CWC27: variants seen among roughly 807,000 people sequenced by gnomAD.
CWC27 encodes spliceosome-associated protein CWC27 homolog.
A neutral mutation model predicts 63.6 loss-of-function variants in CWC27; 47 were observed. The ratio of observed to expected loss-of-function variants is 0.74; its 90% CI spans 0.58 to 0.94. CWC27 has a LOEUF of 0.94. Among genes scored for constraint, CWC27 ranks in the 40% least tolerant of loss-of-function variants. CWC27 has a pLI of 0.00. For synonymous variants in CWC27, 175 were observed against 179.8 expected (o/e 0.97, Z 0.22); for missense variants, 495 against 554.3 (o/e 0.89, Z 1.07).
intron 10 of CWC27, among the ~76,000 whole-genome samples, chr5:64,823,165 A>T (rs1745255785): frequency 6.6e-6 from 1 of 152,216 alleles, no homozygotes; most frequent in East Asian, 1.9e-4. Flanking sequence ...GATAAGGTCA[A>T]ATGAAATGTG....
chr5:64,810,272 A>G (rs1445897684), intron 10 of CWC27, among the ~76,000 whole-genome samples: 2 of 152,068 alleles, frequency 1.3e-5, no homozygotes, highest in African/African-American at 2.4e-5. Flanking sequence ...TTTTATGCAA[A>G]TACCATGCTG....
intron 11 of CWC27, among the ~76,000 whole-genome samples, chr5:64,966,488 C>A (rs917055115): frequency 7.2e-5 from 11 of 152,240 alleles, no homozygotes; most frequent in African/African-American, 2.6e-4. Flanking sequence ...TTAATCCTCA[C>A]AACAGCAAGT....
chr5:64,801,923 A>G (rs897258698), intron 9 of CWC27, among the ~76,000 whole-genome samples: 1 of 152,178 alleles, frequency 6.6e-6, no homozygotes, highest in Non-Finnish European at 1.5e-5. Flanking sequence ...TTTACTAGGA[A>G]GTACATAACT....
intron 10 of CWC27, among the ~76,000 whole-genome samples, chr5:64,849,399 T>C (rs764763582): frequency 1.3e-5 from 2 of 152,198 alleles, no homozygotes; most frequent in African/African-American, 4.8e-5. Flanking sequence ...CTAATTGATA[T>C]GGTTTGGATC....
chr5:64,772,917 A>G (rs1183820230), intron 1 of CWC27, among the ~76,000 whole-genome samples: 1 of 151,638 alleles, frequency 6.6e-6, no homozygotes, highest in African/African-American at 2.4e-5. Context: ...AGCCTGCGCA[A>G]CGGGGTGAGA....
intron 2 of CWC27, among the ~76,000 whole-genome samples, chr5:64,776,134 T>A (rs1743445017): frequency 7.0e-6 from 1 of 142,988 alleles, no homozygotes. Flanking sequence ...TGAAAGGACA[T>A]CTGCAAAGAC....
chr5:64,831,994 C>T (rs558439289), intron 10 of CWC27, among the ~76,000 whole-genome samples: 11 of 151,982 alleles, frequency 7.2e-5, no homozygotes, highest in African/African-American at 2.6e-4. Flanking sequence ...TTTAATAGCA[C>T]ATATATTTGT....
At chr5:65,011,786 C>T (rs1749966060) in intron 13 of CWC27, among the ~76,000 whole-genome samples, 1 of 152,206 alleles carries the variant, frequency 6.6e-6, no homozygotes. Flanking sequence ...GATATCCACC[C>T]TTGCAGAGGC....
chr5:64,801,950 A>G (rs991816612), intron 9 of CWC27, among the ~76,000 whole-genome samples: 1 of 152,202 alleles, frequency 6.6e-6, no homozygotes, highest in Non-Finnish European at 1.5e-5. Flanking sequence ...GCATGAACAC[A>G]GATTTATCTA....
rs554650677 is a variant in CWC27 at position 65,012,370 on chromosome 5, G to A, written c.1257-5789G>A. On this transcript the variant is annotated intron_variant, in intron 13 of 13. Coordinates refer to ENST00000381070, the MANE Select transcript of CWC27 (RefSeq NM_005869.4). ...TTTTTCCTGCCCCCCACCACATTCA[G>A]TTATTGTAAAGATGCTACCAGACAA... Among the ~76,000 whole-genome samples the A allele has an allele frequency of 7.9e-5, 12 of 152,334 alleles. No homozygotes were observed. The East Asian group carries it at 2.3e-3, about 29-fold the overall frequency.
chr5:64,956,984 CATACTT>C, intron 11 of CWC27, among the ~76,000 whole-genome samples: 1 of 152,178 alleles, frequency 6.6e-6, no homozygotes, highest in East Asian at 1.9e-4. Flanking sequence ...CAGAAGTGGT[CATACTT>C]ATATTTTAGA....
At chr5:64,804,736 A>C (rs1235625417) in intron 10 of CWC27, 1 of 165,464 alleles carries the variant, frequency 6.0e-6, no homozygotes, top group Non-Finnish European at 1.3e-5. Flanking sequence ...TAGAAAGAAA[A>C]GAGACATCCT....
intron 1 of CWC27, 34 bp downstream of exon 1, chr5:64,769,222 G>C (rs759382170): frequency 1.2e-6 from 2 of 1,606,726 alleles, no homozygotes; most frequent in South Asian, 2.2e-5. Context: ...TGGGGTCCTG[G>C]GATCCCCAAA....
intron 13 of CWC27, among the ~76,000 whole-genome samples, chr5:64,989,020 A>G (rs750039071): frequency 3.3e-5 from 5 of 151,996 alleles, no homozygotes; most frequent in South Asian, 2.1e-4. Flanking sequence ...AATACCTTCT[A>G]TTGTCGTGGG....
chr5:64,803,032 A>G (rs2112211729), intron 9 of CWC27, among the ~76,000 whole-genome samples: 1 of 152,232 alleles, frequency 6.6e-6, no homozygotes, highest in Middle Eastern at 3.4e-3. Flanking sequence ...GTCACCTTTT[A>G]GTGCTTAAGA....
At chr5:64,796,693 A>G (rs1222744996) in intron 7 of CWC27, among the ~76,000 whole-genome samples, 1 of 152,054 alleles carries the variant, frequency 6.6e-6, no homozygotes, top group African/African-American at 2.4e-5. Flanking sequence ...TTAGAGATTG[A>G]GCCCCAGACC....
chr5:64,983,594 C>G (rs1157468055), intron 13 of CWC27, among the ~76,000 whole-genome samples: 1 of 152,096 alleles, frequency 6.6e-6, no homozygotes, highest in Non-Finnish European at 1.5e-5. Context: ...TTTTCCAGGT[C>G]CCAGTTTGTG....
chr5:64,876,996 T>A (rs1746807903), intron 10 of CWC27, among the ~76,000 whole-genome samples: 1 of 152,058 alleles, frequency 6.6e-6, no homozygotes, highest in African/African-American at 2.4e-5. Context: ...AAAATTTTCT[T>A]ATGTAGTTAT....
At chr5:64,918,043 A>AT (rs1747924968) in intron 11 of CWC27, among the ~76,000 whole-genome samples, 1 of 152,130 alleles carries the variant, frequency 6.6e-6, no homozygotes. Flanking sequence ...TGAAAAAAAA[A>AT]TTTTTCAGGT....
Sources: allele counts gnomAD v4.1 joint callset (sites outside exome capture counted in the v4.1 genomes callset), GRCh38; gene constraint gnomAD v4.1.1; transcripts MANE v1.5; gene names NCBI Gene and HGNC (gene_info 2026-07-23, HGNC 2026-07-21).